The following ABCG4 variants were observed in gnomAD, a reference collection of about 807,000 sequenced individuals.
ABCG4 encodes ATP binding cassette subfamily G member 4.
In ABCG4, 35 loss-of-function variants were observed where a neutral mutation model predicts 64.6. The ratio of observed to expected loss-of-function variants is 0.54; its 90% confidence interval spans 0.41 to 0.72. The LOEUF is 0.72. Among genes scored for constraint, ABCG4 ranks in the 30% least tolerant of loss-of-function variants. The pLI is 0.00. For missense variants in ABCG4, 610 were observed against 846.3 expected, an observed-to-expected ratio of 0.72 and a Z score of 3.46; for synonymous variants, 326 against 348.2, an observed-to-expected ratio of 0.94 and a Z score of 0.71.
In ABCG4 at chr11:119,150,283, T is replaced by C; in HGVS notation, c.238+80T>C. The C allele has an allele frequency of 1.3e-6, 2 of 1,542,866 alleles. No homozygotes were observed. The highest frequency in any genetic ancestry group is 2.3e-5 in the East Asian group (1 of 44,160). On this transcript the variant is annotated intron_variant, in intron 2 of 14. Transcript: ENST00000619701. The surrounding 1 kb of genome is among the most constrained non-coding windows in gnomAD (Gnocchi z 4.3). Reference sequence around the variant, plus strand: ...AGAAGCATGAGGCCTGGGTGTCCCATGTTCGGAAAGTCCTGCACCAGTGGG... The same window carrying C: ...AGAAGCATGAGGCCTGGGTGTCCCACGTTCGGAAAGTCCTGCACCAGTGGG...
chr11:119,157,823 G>A (rs919959756), intron 9 of ABCG4, among the ~76,000 whole-genome samples: 5 of 152,220 alleles, frequency 3.3e-5, no homozygotes, highest in East Asian at 1.9e-4. Flanking sequence ...CTGAGATTGC[G>A]CCACTGCACT....
rs192734017 is a variant in ABCG4 at position 119,158,348 on chromosome 11, G to T, written c.1167+16G>T. On this transcript the variant is annotated intron_variant, in intron 10 of 14. Transcript: ENST00000619701. This position sits in a 1 kb window ranked among gnomAD's most constrained non-coding sequence, Gnocchi z 4.5. ...CAGGGACACGGTGAGGCGTCAGGCT[G>T]GGGGAGAGGAGGCTGGCACAGGCCT... 3.7e-4 allele frequency: 600 copies of T among 1,612,796 alleles called. 5 individuals are homozygous for T. In the South Asian group the frequency reaches 5.9e-3, roughly 16 times the overall value.
rs777601667 is a variant in ABCG4 at position 119,154,536 on chromosome 11, C to T, written c.501C>T (p.Asn167=). ...TVLEAMMVSA[N]LKLSEKQEVK... is the part of the protein sequence containing the mutation. Reference sequence around the variant, plus strand: ...TCTCTGGGCCCCAGGTCTCTGCTAACCTGAAGCTGAGTGAGAAGCAGGAGG... The same window carrying T: ...TCTCTGGGCCCCAGGTCTCTGCTAATCTGAAGCTGAGTGAGAAGCAGGAGG... Residue 167 remains asparagine, a synonymous_variant, in exon 5 of 15, where the codon AAC becomes AAT. Coordinates refer to ENST00000619701, the MANE Select transcript of ABCG4 (RefSeq NM_022169.5). This position sits in a 1 kb window ranked among gnomAD's most constrained non-coding sequence, Gnocchi z 7.0. 7 of 1,613,954 alleles carry T rather than the reference C, an allele frequency of 4.3e-6. No individual in the cohort carries two copies. The highest frequency in any genetic ancestry group is 5.9e-6 in the Non-Finnish European group (7 of 1,179,972).
intron 2 of ABCG4, chr11:119,153,695 A>C: frequency 7.6e-5 from 19 of 250,892 alleles, no homozygotes; most frequent in Non-Finnish European, 8.7e-5. Context: ...GGGGCGAGAC[A>C]GTGGCCACTG....
chr11:119,158,777 G>C lies in ABCG4; in HGVS notation c.1336+52G>C. The C allele has an allele frequency of 6.2e-7, 1 of 1,614,170 alleles. No homozygotes were observed. The highest frequency in any genetic ancestry group is 8.5e-7 in the Non-Finnish European group (1 of 1,180,006). ...GCAAGGGTGTGGGTGCTGGGGCTTG[G>C]GGCAGGGGCCAGGGTGTCGGCCGGG... On this transcript the variant is annotated intron_variant, in intron 11 of 14. Coordinates refer to ENST00000619701, the MANE Select transcript of ABCG4 (RefSeq NM_022169.5). The surrounding 1 kb of genome is among the most constrained non-coding windows in gnomAD (Gnocchi z 4.5).
rs915112697 is a variant in ABCG4 at position 119,155,249 on chromosome 11, C to A, written c.686+334C>A. On this transcript the variant is annotated intron_variant, in intron 6 of 14. Transcript: ENST00000619701. This position sits in a 1 kb window ranked among gnomAD's most constrained non-coding sequence, Gnocchi z 4.5. ...TCTAATGTTGATGTTAAGTTCAGGA[C>A]AGCAACAGATTCTTATCTGCTTGTC... Among the ~76,000 whole-genome samples, 8 of 152,314 alleles carry A rather than the reference C, an allele frequency of 5.3e-5. No homozygotes were observed. Among genetic ancestry groups the A allele is most frequent in the African/African-American group, 1.7e-4 (7 of 41,574 alleles).
In ABCG4 at chr11:119,158,647, G is replaced by A. The variant is rs1468632900; in HGVS notation, c.1258G>A (p.Val420Ile). 1.9e-6 allele frequency: 3 copies of A among 1,614,172 alleles called. No individual in the cohort carries two copies. The South Asian group carries it at 3.3e-5, about 18-fold the overall frequency. ...GCATATTGGCGACGATGCCAGCAAG[G>A]TCTTCAACAACACCGGCTGCCTCTT... is the stretch of plus-strand genomic sequence containing the variant. ...YLHIGDDASK[V>I]FNNTGCLFFS... Residue 420 changes from valine to isoleucine, a missense_variant, in exon 11 of 15, where the codon GTC becomes ATC. Coordinates refer to ENST00000619701, the MANE Select transcript of ABCG4 (RefSeq NM_022169.5). This position sits in a 1 kb window ranked among gnomAD's most constrained non-coding sequence, Gnocchi z 4.5.
rs1948255131 is a variant in ABCG4 at position 119,155,651 on chromosome 11, G to T, written c.687-678G>T. The stretch of plus-strand genomic sequence containing the variant: ...TGAACTTTCTAAAGACAAGTCTGCA[G>T]TGCTCACTCCCCTGCTTAAAACATG... On this transcript the variant is annotated intron_variant, in intron 6 of 14. Coordinates refer to ENST00000619701, the MANE Select transcript of ABCG4 (RefSeq NM_022169.5). The surrounding 1 kb of genome is among the most constrained non-coding windows in gnomAD (Gnocchi z 4.5). 1 of 153,200 alleles carries T rather than the reference G, an allele frequency of 6.5e-6. No individual in the cohort carries two copies. The highest frequency in any genetic ancestry group is 1.5e-5 in the Non-Finnish European group (1 of 68,812). 9.5% of individuals were successfully genotyped at this position (153,200 alleles called of 1,614,324 possible).
At chr11:119,152,088 A>C (rs1301761601) in intron 2 of ABCG4, among the ~76,000 whole-genome samples, 1 of 152,228 alleles carries the variant, frequency 6.6e-6, no homozygotes, top group African/African-American at 2.4e-5. Context: ...CTTCTCCTGC[A>C]AGAGATCACT....
rs1357546552 is a variant in ABCG4, at chr11:119,161,070, C to T, written c.1905C>T (p.Tyr635=). Residue 635 remains tyrosine (Y), a synonymous_variant, in exon 15 of 15, where the codon TAC becomes TAT. Coordinates refer to ENST00000619701, the MANE Select transcript of ABCG4 (RefSeq NM_022169.5). ...IFFLALRLLA[Y]LVLRYRVKSE... ...TCCTAGCCCTGCGGCTGCTGGCCTA[C>T]CTTGTGCTGCGTTACCGGGTCAAGT... The T allele has an allele frequency of 6.2e-6, 10 of 1,613,796 alleles. No individual in the cohort carries two copies. Among genetic ancestry groups the T allele is most frequent in the Non-Finnish European group, 8.5e-6 (10 of 1,179,948 alleles).
In ABCG4 at chr11:119,160,340, C is replaced by T. The variant is rs1483080585; in HGVS notation, c.1551C>T (p.Ala517=). 6.2e-7 allele frequency: 1 copy of T among 1,613,348 alleles called. No individual in the cohort carries two copies. The highest frequency in any genetic ancestry group is 1.1e-5 in the South Asian group (1 of 91,070). Residue 517 remains alanine (A), a synonymous_variant, in exon 13 of 15, where the codon GCC becomes GCT. Transcript: ENST00000619701. The surrounding 1 kb of genome is among the most constrained non-coding windows in gnomAD (Gnocchi z 4.6). ...TGGCCACCGCCACCGCCTTGGTGGC[C>T]CAATCTTTGGGGCTGCTGATCGGAG... ...SALATATALV[A]QSLGLLIGAA...
chr11:119,158,493 A>C lies in ABCG4; in HGVS notation c.1168-64A>C. On this transcript the variant is annotated intron_variant, in intron 10 of 14. Coordinates refer to ENST00000619701, the MANE Select transcript of ABCG4 (RefSeq NM_022169.5). This position sits in a 1 kb window ranked among gnomAD's most constrained non-coding sequence, Gnocchi z 4.5. ...AGGGCAGCTCCGAGTTCCTACTCCAAGTCTACTCTGTGGCTTGCCCTGGCC... is the reference window on the plus strand; with the variant it reads ...AGGGCAGCTCCGAGTTCCTACTCCACGTCTACTCTGTGGCTTGCCCTGGCC... 1.2e-6 allele frequency: 2 copies of C among 1,606,096 alleles called. No individual in the cohort carries two copies. The highest frequency in any genetic ancestry group is 4.5e-5 in the East Asian group (2 of 44,806).
At position 119,156,360 on chromosome 11, in the gene ABCG4, G is replaced by T. The variant is rs775457212; in HGVS notation, c.718G>T (p.Val240Leu). ...GGATAGCGCCTCTTGTTTCCAAGTGGTGTCCCTCATGAAGTCCCTGGCACA... is the reference window on the plus strand; with the variant it reads ...GGATAGCGCCTCTTGTTTCCAAGTGTTGTCCCTCATGAAGTCCCTGGCACA... ...GLDSASCFQV[V>L]SLMKSLAQGG... Residue 240 changes from valine to leucine, a missense_variant, in exon 7 of 15, where the codon GTG becomes TTG. Val to Leu is a conservative substitution (Grantham distance 32). Coordinates refer to ENST00000619701, the MANE Select transcript of ABCG4 (RefSeq NM_022169.5). The surrounding 1 kb of genome is among the most constrained non-coding windows in gnomAD (Gnocchi z 5.5). 3.1e-6 allele frequency: 5 copies of T among 1,614,170 alleles called. No homozygotes were observed. The highest frequency in any genetic ancestry group is 4.2e-6 in the Non-Finnish European group (5 of 1,180,038).
At chr11:119,151,791 A>G (rs921928156) in intron 2 of ABCG4, among the ~76,000 whole-genome samples, 1 of 152,198 alleles carries the variant, frequency 6.6e-6, no homozygotes, top group African/African-American at 2.4e-5. Context: ...CTAGAATACC[A>G]GTGTCTCTCC....
chr11:119,157,919 T>A (rs1948288559), intron 9 of ABCG4, among the ~76,000 whole-genome samples: 1 of 150,080 alleles, frequency 6.7e-6, no homozygotes, highest in Non-Finnish European at 1.5e-5. Context: ...AAAAAGGAAT[T>A]ATACCCTTAG....
Position 119,160,974 on chromosome 11 carries a change from G to A in ABCG4, c.1809G>A (p.Gln603=). ...LEERCPFREP[Q]SILRALDVED... ...AACGCTGCCCGTTCCGGGAGCCACA[G>A]AGCATCCTCCGAGCGCTGGATGTGG... The change falls in exon 15 of 15, where the codon CAG becomes CAA. Residue 603 remains glutamine (Q), a synonymous_variant. Transcript: ENST00000619701. The surrounding 1 kb of genome is among the most constrained non-coding windows in gnomAD (Gnocchi z 4.6). 1 of 1,614,084 alleles carries A rather than the reference G, an allele frequency of 6.2e-7. No individual in the cohort carries two copies.
Position 119,158,875 on chromosome 11 carries a change from G to A in ABCG4, c.1383G>A (p.Trp461Ter). 1 of 1,614,176 alleles carries A rather than the reference G, an allele frequency of 6.2e-7. No homozygotes were observed. The highest frequency in any genetic ancestry group is 1.3e-5 in the African/African-American group (1 of 75,010). ...AVFMREHLNY[W>*]YSLKAYYLAK... ...TCATGAGGGAGCACCTCAACTACTG[G>A]TACAGCCTCAAAGCGTATTACCTGG... Residue 461 changes from tryptophan (W) to a stop codon, truncating the protein, a stop_gained, in exon 12 of 15, where the codon TGG becomes TGA. Coordinates refer to ENST00000619701, the MANE Select transcript of ABCG4 (RefSeq NM_022169.5). LOFTEE classifies it high-confidence loss of function. This position sits in a 1 kb window ranked among gnomAD's most constrained non-coding sequence, Gnocchi z 4.5.
Position 119,158,333 on chromosome 11 carries a change from G to A in ABCG4, c.1167+1G>A, listed in dbSNP as rs1469165237. 3.1e-6 allele frequency: 5 copies of A among 1,613,860 alleles called. No homozygotes were observed. Among genetic ancestry groups the A allele is most frequent in the Non-Finnish European group, 4.2e-6 (5 of 1,179,774 alleles). ...CTTCCTGTCCATCCTCAGGGACACG[G>A]TGAGGCGTCAGGCTGGGGGAGAGGA... On this transcript the variant is annotated splice_donor_variant, in intron 10 of 14. Coordinates refer to ENST00000619701, the MANE Select transcript of ABCG4 (RefSeq NM_022169.5). LOFTEE classifies it high-confidence loss of function. The surrounding 1 kb of genome is among the most constrained non-coding windows in gnomAD (Gnocchi z 4.5).
chr11:119,151,178 C>A (rs143796587), intron 2 of ABCG4, among the ~76,000 whole-genome samples: 12 of 152,352 alleles, frequency 7.9e-5, no homozygotes, highest in African/African-American at 2.9e-4. Context: ...GTCCTGAGAC[C>A]AGCTCTGGGC....
Sources: gnomAD v4.1 joint callset for allele counts (sites outside exome capture counted in the v4.1 genomes callset) on GRCh38, gnomAD v4.1.1 for gene constraint, Gnocchi (gnomAD v3.1) non-coding constraint, MANE v1.5 for transcripts, NCBI Gene and HGNC (gene_info 2026-07-23, HGNC 2026-07-21) for gene names.